Variants in ASAP2 observed in about 807,000 individuals in gnomAD.
ASAP2 encodes ArfGAP with SH3 domain, ankyrin repeat and PH domain 2.
In ASAP2, 45 loss-of-function variants were observed where a neutral mutation model predicts 131.4. The observed-to-expected ratio is 0.34, with a 90% CI of 0.27 to 0.44. The LOEUF is 0.44. ASAP2 is among the 20% of genes least tolerant of loss of function. ASAP2 has a pLI of 1.00. For missense variants in ASAP2, 1,011 were observed against 1,297.0 expected (o/e 0.78, Z 3.39); for synonymous variants, 510 against 503.0 (o/e 1.01, Z -0.19).
chr2:9,327,745 A>G, intron 6 of ASAP2, 81 bp from the exon 7 acceptor site: 1 of 1,001,808 alleles, frequency 1.0e-6, no homozygotes, highest in Non-Finnish European at 1.5e-6. Context: ...GAAGTAGAAG[A>G]AATCATCTCA....
At chr2:9,294,682 G>A (rs4610024) in intron 2 of ASAP2, among the ~76,000 whole-genome samples, 80,656 of 152,110 alleles carry the variant, frequency 0.53, 25,001 homozygotes, top group East Asian at 0.84. Flanking sequence ...CCCTTTGGGT[G>A]TTCACTTAGA....
At chr2:9,382,388 G>A (rs1236006560) in intron 20 of ASAP2, among the ~76,000 whole-genome samples, 5 of 152,210 alleles carry the variant, frequency 3.3e-5, no homozygotes, top group Non-Finnish European at 7.3e-5. Context: ...CTTGGCCAGG[G>A]TCATGTAGCT....
At chr2:9,230,668 A>C (rs920184732) in intron 1 of ASAP2, among the ~76,000 whole-genome samples, 1 of 152,204 alleles carries the variant, frequency 6.6e-6, no homozygotes, top group Non-Finnish European at 1.5e-5. Context: ...AGGACGGTCC[A>C]TGTTTTCCAT....
chr2:9,332,185 T>C (rs1186909093), intron 7 of ASAP2, among the ~76,000 whole-genome samples: 1 of 152,128 alleles, frequency 6.6e-6, no homozygotes, highest in East Asian at 1.9e-4. Context: ...GTAATGTTGA[T>C]GGTAAAAGTT....
In ASAP2 at chr2:9,376,960, C is replaced by G. The variant is rs1674451627; in HGVS notation, c.1799C>G (p.Ser600Cys). The G allele has an allele frequency of 6.2e-7, 1 of 1,614,016 alleles. No individual in the cohort carries two copies. The highest frequency in any genetic ancestry group is 8.5e-7 in the Non-Finnish European group (1 of 1,180,024). ...HLAVRSVDRT[S>C]LHIVDFLVQN... ...GCAGTCAGATCCGTGGATCGAACCT[C>G]TCTTCACATTGTAGACTTTTTAGTT... is the stretch of plus-strand genomic sequence containing the variant. Residue 600 changes from serine (S) to cysteine (C), a missense_variant, in exon 18 of 28, where the codon TCT becomes TGT. Ser to Cys is a moderately radical substitution (Grantham distance 112). This residue lies in a region of ASAP2 where 652 missense variants were observed against 698.9 expected (regional missense o/e 0.93). Transcript: ENST00000281419.
rs1194048583 is a variant in ASAP2 at position 9,207,723 on chromosome 2, C to T, written c.126+493C>T. On this transcript the variant is annotated intron_variant, in intron 1 of 27. Transcript: ENST00000281419. This position sits in a 1 kb window ranked among gnomAD's most constrained non-coding sequence, Gnocchi z 4.1. ...CGGGTCCGGGGCATCCCGGGCTGCCCGGGAAGGCGTGCCCGCCTCAGCCAG... is the reference window on the plus strand; with the variant it reads ...CGGGTCCGGGGCATCCCGGGCTGCCTGGGAAGGCGTGCCCGCCTCAGCCAG... 2.6e-5 allele frequency among the ~76,000 whole-genome samples: 4 copies of T among 152,122 alleles called. No individual in the cohort carries two copies. Among genetic ancestry groups the T allele is most frequent in the Admixed American group, 2.6e-4 (4 of 15,294 alleles).
chr2:9,334,665 G>A, intron 7 of ASAP2, 73 bp from the exon 8 acceptor site: 1 of 1,427,268 alleles, frequency 7.0e-7, no homozygotes, highest in Non-Finnish European at 9.8e-7. Context: ...CTTTAAAGAA[G>A]TTTTTAATCT....
chr2:9,365,504 C>G (rs189010327), intron 15 of ASAP2, among the ~76,000 whole-genome samples: 1 of 152,310 alleles, frequency 6.6e-6, no homozygotes, highest in East Asian at 1.9e-4. Context: ...CCCAAACTCT[C>G]AAAACAATGT....
Position 9,356,317 on chromosome 2 carries a change from T to C in ASAP2, c.1299T>C (p.Asn433=). 6.2e-7 allele frequency: 1 copy of C among 1,606,544 alleles called. No homozygotes were observed. Among genetic ancestry groups the C allele is most frequent in the East Asian group, 2.2e-5 (1 of 44,850 alleles). Residue 433 remains asparagine (N), a synonymous_variant, in exon 14 of 28, where the codon AAT becomes AAC. Transcript: ENST00000281419. Reference sequence around the variant, plus strand: ...CAGAAGTGCAGAGGATGACGGGCAATGACGTCTGCTGTGACTGTGGGGCGC... The same window carrying C: ...CAGAAGTGCAGAGGATGACGGGCAACGACGTCTGCTGTGACTGTGGGGCGC... The part of the protein sequence containing the change: ...IISEVQRMTG[N]DVCCDCGAPD...
intron 2 of ASAP2, among the ~76,000 whole-genome samples, chr2:9,283,025 T>C (rs1667232915): frequency 6.6e-6 from 1 of 151,026 alleles, no homozygotes; most frequent in Non-Finnish European, 1.5e-5. Context: ...AAGCCTTAGC[T>C]CTCTTTGACT....
intron 24 of ASAP2, among the ~76,000 whole-genome samples, chr2:9,398,042 G>T (rs1221958433): frequency 6.6e-6 from 1 of 151,760 alleles, no homozygotes; most frequent in Non-Finnish European, 1.5e-5. Context: ...ACAGGCGTGA[G>T]CCACTGCGCC....
rs569189002 is a variant in ASAP2, at chr2:9,267,670, G to T, written c.127-11647G>T. On this transcript the variant is annotated intron_variant, in intron 1 of 27. Coordinates refer to ENST00000281419, the MANE Select transcript of ASAP2 (RefSeq NM_003887.3). ...CCAGCACTTTGGGAGGTCAAGGTGG[G>T]TGGATCACTTGAGGCCGGGAGTTCG... Among the ~76,000 whole-genome samples the T allele has an allele frequency of 7.2e-5, 11 of 152,164 alleles. No homozygotes were observed. In the South Asian group the frequency reaches 2.3e-3, roughly 32 times the overall value.
intron 16 of ASAP2, among the ~76,000 whole-genome samples, chr2:9,370,871 G>T (rs111241007): frequency 1.3e-5 from 2 of 152,152 alleles, no homozygotes; most frequent in African/African-American, 4.8e-5. Flanking sequence ...AGGAAACGTC[G>T]TGAATCCAGC....
chr2:9,390,741 G>A (rs770457431), intron 22 of ASAP2, among the ~76,000 whole-genome samples: 6 of 152,188 alleles, frequency 3.9e-5, no homozygotes, highest in East Asian at 1.9e-4. Flanking sequence ...TGCAGTGTTC[G>A]CAAGAGAACA....
At chr2:9,315,074 C>T (rs192609330) in intron 3 of ASAP2, among the ~76,000 whole-genome samples, 6 of 152,214 alleles carry the variant, frequency 3.9e-5, no homozygotes, top group East Asian at 1.9e-4. Flanking sequence ...ATAGGGAAGA[C>T]GTTTCCGTCG....
intron 2 of ASAP2, among the ~76,000 whole-genome samples, chr2:9,294,406 A>G (rs1397993918): frequency 1.3e-5 from 2 of 152,172 alleles, no homozygotes; most frequent in Non-Finnish European, 2.9e-5. Context: ...GTGCTGGAAC[A>G]TAAAGTCTAC....
intron 3 of ASAP2, among the ~76,000 whole-genome samples, chr2:9,299,059 C>T (rs62121307): frequency 0.092 from 14,050 of 152,090 alleles, 669 homozygotes; most frequent in African/African-American, 0.13. Context: ...AGATAAAAGA[C>T]GAGGATTAAT....
chr2:9,256,817 G>A (rs529915307), intron 1 of ASAP2, among the ~76,000 whole-genome samples: 1 of 152,320 alleles, frequency 6.6e-6, no homozygotes, highest in East Asian at 1.9e-4. Context: ...CTGTGTGACA[G>A]AGGAGTTGGG....
At chr2:9,339,119 C>T (rs1403731479) in intron 9 of ASAP2, among the ~76,000 whole-genome samples, 2 of 152,166 alleles carry the variant, frequency 1.3e-5, no homozygotes, top group Non-Finnish European at 2.9e-5. Flanking sequence ...GTGGAGGTTG[C>T]AGTGAGCCAA....
Sources: allele counts gnomAD v4.1 joint callset (sites outside exome capture counted in the v4.1 genomes callset), GRCh38; gene constraint gnomAD v4.1.1; regional missense constraint gnomAD v4.1.1; non-coding constraint Gnocchi (gnomAD v3.1); transcripts MANE v1.5; gene names NCBI Gene and HGNC (gene_info 2026-07-23, HGNC 2026-07-21).